The following KLHL29 variants were observed in gnomAD, a reference collection of about 807,000 sequenced individuals.
The protein encoded by KLHL29 is kelch-like protein 29.
Under a neutral mutation model 80.4 loss-of-function variants are expected in KLHL29, and 21 were observed. The ratio of observed to expected loss-of-function variants is 0.26; its 90% confidence interval spans 0.19 to 0.38. The LOEUF (loss-of-function observed/expected upper bound fraction) is 0.38, where lower values mean the gene tolerates loss of function less well. Ranked by LOEUF, KLHL29 falls within the 10% of genes least tolerant of loss-of-function variation. KLHL29 has a pLI of 1.00. For synonymous variants in KLHL29, 511 were observed against 526.8 expected, an observed-to-expected ratio of 0.97 and a Z score of 0.41; for missense variants, 867 against 1,223.9, an observed-to-expected ratio of 0.71 and a Z score of 4.35.
chr2:23,548,282 CACACACACAA>C (rs1474473728), intron 2 of KLHL29, among the ~76,000 whole-genome samples: 21 of 151,368 alleles, frequency 1.4e-4, no homozygotes, highest in Admixed American at 1.2e-3. Flanking sequence ...CACACAGGCG[CACACACACAA>C]ACACACACAG....
At chr2:23,474,945 C>G (rs552942883) in intron 1 of KLHL29, among the ~76,000 whole-genome samples, 3 of 151,704 alleles carry the variant, frequency 2.0e-5, no homozygotes, top group Non-Finnish European at 4.4e-5. Flanking sequence ...AAAGAAGGAA[C>G]CAGGAGTAGC....
In KLHL29 at chr2:23,703,723, C is replaced by T. The variant is rs1672536842; in HGVS notation, c.2304C>T (p.Asn768=). 3.3e-6 allele frequency: 5 copies of T among 1,535,640 alleles called. No homozygotes were observed. The highest frequency in any genetic ancestry group is 4.4e-6 in the Non-Finnish European group (5 of 1,146,142). The change falls in exon 13 of 14, where the codon AAC becomes AAT. Residue 768 remains asparagine (N), a synonymous_variant. Transcript: ENST00000486442. ...CCTGCTCTGCTCTCCTCACAGACAA[C>T]AAGTATGCCCCCGCTGTCACGCTCA... ...WSFIESPMID[N]KYAPAVTLNG...
intron 2 of KLHL29, among the ~76,000 whole-genome samples, chr2:23,495,090 G>A (rs1665223566): frequency 6.6e-6 from 1 of 152,022 alleles, no homozygotes. Flanking sequence ...TGAACTCCTG[G>A]CCTCAAGCAA....
At position 23,410,064 on chromosome 2, in the gene KLHL29, G is replaced by T. The variant is rs139540118; in HGVS notation, c.-154+24284G>T. Among the ~76,000 whole-genome samples, 726 of 152,306 alleles carry T rather than the reference G, an allele frequency of 4.8e-3. 1 individual carries two copies. Among genetic ancestry groups the T allele is most frequent in the Non-Finnish European group, 7.4e-3 (502 of 68,032 alleles). On this transcript the variant is annotated intron_variant, in intron 1 of 13. Coordinates refer to ENST00000486442, the MANE Select transcript of KLHL29 (RefSeq NM_052920.2). Reference sequence around the variant, plus strand: ...GAAACCAGAGGGGAGCATGGCACAGGCGGAGAGTGGAGAATTAGGAGGGAG... The same window carrying T: ...GAAACCAGAGGGGAGCATGGCACAGTCGGAGAGTGGAGAATTAGGAGGGAG...
intron 1 of KLHL29, among the ~76,000 whole-genome samples, chr2:23,435,899 CTTT>C (rs769975340): frequency 3.0e-5 from 4 of 135,422 alleles, no homozygotes; most frequent in Non-Finnish European, 3.2e-5. Flanking sequence ...CTCTCTCTCT[CTTT>C]TTTTTTTTTT....
intron 1 of KLHL29, among the ~76,000 whole-genome samples, chr2:23,406,893 A>G (rs2103392410): frequency 6.6e-6 from 1 of 152,360 alleles, no homozygotes; most frequent in East Asian, 1.9e-4. Context: ...GAAAATTTTA[A>G]CAAAAGAAAA....
chr2:23,691,603 T>A, intron 6 of KLHL29, 71 bp from the exon 7 acceptor site: 1 of 1,333,102 alleles, frequency 7.5e-7, no homozygotes, highest in Non-Finnish European at 1.0e-6. Context: ...TGCAGGGAGA[T>A]CTAGCCCTGT....
chr2:23,572,115 G>A (rs1048714005), intron 3 of KLHL29, among the ~76,000 whole-genome samples: 1 of 152,176 alleles, frequency 6.6e-6, no homozygotes, highest in African/African-American at 2.4e-5. Flanking sequence ...GTGTGTCAGC[G>A]GGTCTGTGTT....
At chr2:23,390,750 C>T (rs1204607127) in intron 1 of KLHL29, among the ~76,000 whole-genome samples, 1 of 146,556 alleles carries the variant, frequency 6.8e-6, no homozygotes, top group Non-Finnish European at 1.5e-5. Flanking sequence ...CTCCTGGGTT[C>T]ATGAGATTCT....
chr2:23,687,236 C>T (rs1671302488), intron 6 of KLHL29, among the ~76,000 whole-genome samples: 1 of 150,844 alleles, frequency 6.6e-6, no homozygotes, highest in Non-Finnish European at 1.5e-5. Flanking sequence ...TGGGGATCAA[C>T]ATTGGCCCTC....
chr2:23,485,454 C>T (rs1442520933), intron 2 of KLHL29, among the ~76,000 whole-genome samples: 1 of 152,204 alleles, frequency 6.6e-6, no homozygotes, highest in Non-Finnish European at 1.5e-5. Flanking sequence ...GACGCACTGA[C>T]CCTGCTCTCC....
chr2:23,514,759 G>A (rs979554513), intron 2 of KLHL29, among the ~76,000 whole-genome samples: 4 of 152,156 alleles, frequency 2.6e-5, no homozygotes, highest in Non-Finnish European at 4.4e-5. Flanking sequence ...CTCTGGACTC[G>A]AAGAAGAGGG....
At chr2:23,390,970 A>G (rs548186911) in intron 1 of KLHL29, among the ~76,000 whole-genome samples, 79 of 152,336 alleles carry the variant, frequency 5.2e-4, no homozygotes, top group African/African-American at 1.9e-3. Flanking sequence ...GTGCATTCGT[A>G]GCATTCACAT....
chr2:23,666,294 C>T (rs962898912), intron 5 of KLHL29, among the ~76,000 whole-genome samples: 10 of 152,170 alleles, frequency 6.6e-5, no homozygotes, highest in Admixed American at 4.6e-4. Flanking sequence ...ACAAGCTGAG[C>T]GAGGATCCCC....
At chr2:23,557,132 C>T (rs924602460) in intron 2 of KLHL29, among the ~76,000 whole-genome samples, 1 of 152,192 alleles carries the variant, frequency 6.6e-6, no homozygotes, top group Non-Finnish European at 1.5e-5. Flanking sequence ...ATTGCTTGAC[C>T]AGTCTCGTCT....
At chr2:23,551,420 A>G (rs1667122609) in intron 2 of KLHL29, among the ~76,000 whole-genome samples, 1 of 152,112 alleles carries the variant, frequency 6.6e-6, no homozygotes, top group Non-Finnish European at 1.5e-5. Context: ...AAGGGAGGGA[A>G]ATGGGAGGCT....
rs958551460 is a variant in KLHL29 at position 23,409,835 on chromosome 2, T to C, written c.-154+24055T>C. Among the ~76,000 whole-genome samples the C allele has an allele frequency of 5.3e-4, 80 of 152,166 alleles. 4 individuals are homozygous for C. ...CTATGAAGGAAGATGGTCAGTGCCATTACAGGGAGCTCCGCCTCTTCTTGG... is the reference window on the plus strand; with the variant it reads ...CTATGAAGGAAGATGGTCAGTGCCACTACAGGGAGCTCCGCCTCTTCTTGG... On this transcript the variant is annotated intron_variant, in intron 1 of 13. Transcript: ENST00000486442.
chr2:23,493,833 G>T (rs547420726), intron 2 of KLHL29, among the ~76,000 whole-genome samples: 3 of 152,300 alleles, frequency 2.0e-5, no homozygotes, highest in African/African-American at 7.2e-5. Flanking sequence ...AAATATTTAG[G>T]ATGGATAGAT....
chr2:23,662,063 T>C (rs1349092095), intron 5 of KLHL29, among the ~76,000 whole-genome samples: 1 of 152,116 alleles, frequency 6.6e-6, no homozygotes, highest in African/African-American at 2.4e-5. Flanking sequence ...AAGCACAAGC[T>C]CCAGGTGCTC....
Sources: allele counts gnomAD v4.1 joint callset (sites outside exome capture counted in the v4.1 genomes callset), GRCh38; gene constraint gnomAD v4.1.1; transcripts MANE v1.5; gene names NCBI Gene and HGNC (gene_info 2026-07-23, HGNC 2026-07-21).